PSD3: variants seen among roughly 807,000 people sequenced by gnomAD.
The protein encoded by PSD3 is pleckstrin and Sec7 domain containing 3, also known as PH and SEC7 domain-containing protein 3.
In PSD3, 49 loss-of-function variants were observed where a neutral mutation model predicts 105.5. The ratio of observed to expected loss-of-function variants is 0.46; its 90% CI spans 0.37 to 0.59. The LOEUF (loss-of-function observed/expected upper bound fraction) is 0.59, where lower values mean the gene tolerates loss of function less well. Among genes scored for constraint, PSD3 ranks in the 20% least tolerant of loss-of-function variants. The pLI is 0.00. For synonymous variants in PSD3, 557 were observed against 457.8 expected (o/e 1.22, Z -2.77); for missense variants, 1,561 against 1,263.8 (o/e 1.24, Z -3.57).
intron 9 of PSD3, chr8:18,763,074 G>C (rs776388380): frequency 1.0e-5 from 5 of 482,376 alleles, no homozygotes; most frequent in South Asian, 7.7e-5. Flanking sequence ...GCTACAAAAT[G>C]ACATGGAACA....
chr8:18,937,866 G>A lies in PSD3; in HGVS notation c.22-1724C>T, dbSNP rs572063443. 1.9e-3 allele frequency among the ~76,000 whole-genome samples: 295 copies of A among 152,312 alleles called. 2 individuals carry two copies. In the South Asian group the frequency reaches 0.023, roughly 12 times the overall value. On this transcript the variant is annotated intron_variant, in intron 1 of 15. Transcript: ENST00000327040. ...CTGAGAAACTAACGCCTGCAGAGAT[G>A]AGAAATATGACAGGCTGGGGAAGGT...
chr8:18,701,452 C>A (rs936835930), intron 9 of PSD3, among the ~76,000 whole-genome samples: 1 of 152,120 alleles, frequency 6.6e-6, no homozygotes, highest in Non-Finnish European at 1.5e-5. Context: ...GAAGCTTACA[C>A]AATTGAAAAC....
At chr8:18,748,208 G>T (rs1052774950) in intron 9 of PSD3, among the ~76,000 whole-genome samples, 2 of 152,140 alleles carry the variant, frequency 1.3e-5, no homozygotes, top group Non-Finnish European at 2.9e-5. Context: ...ACTGTGGGCA[G>T]TTACATCCTT....
chr8:18,890,293 GA>G (rs968272696), intron 2 of PSD3, among the ~76,000 whole-genome samples: 5 of 151,034 alleles, frequency 3.3e-5, no homozygotes, highest in East Asian at 3.9e-4. Flanking sequence ...CTTAGATCTT[GA>G]AAAAAAAATT....
At chr8:19,039,981 G>A (rs2129476672) in intron 1 of PSD3, among the ~76,000 whole-genome samples, 1 of 152,244 alleles carries the variant, frequency 6.6e-6, no homozygotes, top group East Asian at 1.9e-4. Flanking sequence ...CTTAAGGGTT[G>A]GGGGGTATTT....
chr8:18,775,349 C>G (rs138279651), intron 8 of PSD3, among the ~76,000 whole-genome samples: 87 of 152,274 alleles, frequency 5.7e-4, no homozygotes, highest in African/African-American at 1.9e-3. Flanking sequence ...CTTGAATATA[C>G]TGACTTCGTT....
intron 1 of PSD3, among the ~76,000 whole-genome samples, chr8:18,985,959 G>A (rs774429853): frequency 6.6e-6 from 1 of 151,630 alleles, no homozygotes; most frequent in African/African-American, 2.4e-5. Flanking sequence ...ACCTCACTTT[G>A]TTACTCAAAG....
At chr8:18,861,815 A>G (rs1387810719) in intron 4 of PSD3, among the ~76,000 whole-genome samples, 2 of 152,192 alleles carry the variant, frequency 1.3e-5, no homozygotes, top group Non-Finnish European at 2.9e-5. Flanking sequence ...AAAACTGCAC[A>G]TTGGTTGATA....
At chr8:18,727,160 G>A (rs6651476) in intron 9 of PSD3, among the ~76,000 whole-genome samples, 141,447 of 151,964 alleles carry the variant, frequency 0.93, 65,914 homozygotes, top group African/African-American at 0.95. Flanking sequence ...ACATGGTGAA[G>A]CCCCATCTCT....
intron 11 of PSD3, among the ~76,000 whole-genome samples, chr8:18,616,684 C>T (rs1205558809): frequency 7.5e-6 from 1 of 133,724 alleles, no homozygotes; most frequent in Non-Finnish European, 1.6e-5. Flanking sequence ...AGTGCAGTGG[C>T]GGGATCTCGG....
At chr8:18,949,279 T>TATATATATATATATA (rs1563453978) in intron 1 of PSD3, among the ~76,000 whole-genome samples, 7 of 78,296 alleles carry the variant, frequency 8.9e-5, no homozygotes, top group Admixed American at 4.0e-4. Context: ...ATATATATAT[T>TATATATATATATATA]TATAGTTTTC....
At chr8:18,692,511 G>A (rs1326897495) in intron 9 of PSD3, among the ~76,000 whole-genome samples, 2 of 152,082 alleles carry the variant, frequency 1.3e-5, no homozygotes, top group Non-Finnish European at 1.5e-5. Context: ...TCTGACGGAG[G>A]GGTAAAAGGT....
At chr8:19,032,901 C>T (rs1045771966) in intron 1 of PSD3, among the ~76,000 whole-genome samples, 1 of 151,904 alleles carries the variant, frequency 6.6e-6, no homozygotes, top group African/African-American at 2.4e-5. Context: ...GTTTAATGGT[C>T]AAAAAAGTTT....
In PSD3 at chr8:18,949,244, A is replaced by AAAATATAT. The variant is rs1345423514; in HGVS notation, c.22-13103_22-13102insATATATTT. Among the ~76,000 whole-genome samples, 3 of 14,410 alleles carry AAAATATAT rather than the reference A, an allele frequency of 2.1e-4. 1 individual carries two copies. The highest frequency in any genetic ancestry group is 3.6e-4 in the Non-Finnish European group (2 of 5,542). 9.5% of individuals were successfully genotyped at this position (14,410 alleles called of 152,430 possible). The stretch of plus-strand genomic sequence containing the variant: ...CTCAAAAAAAAAAAAAAAAAAAAAA[A>AAAATATAT]ATATATATATATATATATATATATA... On this transcript the variant is annotated intron_variant, in intron 1 of 15. Transcript: ENST00000327040.
intron 1 of PSD3, among the ~76,000 whole-genome samples, chr8:18,992,297 G>A (rs1295517913): frequency 8.2e-6 from 1 of 121,732 alleles, no homozygotes; most frequent in East Asian, 2.3e-4. Context: ...CTTTTAATTT[G>A]TTAGTGATAC....
intron 13 of PSD3, among the ~76,000 whole-genome samples, chr8:18,573,647 A>G (rs963221427): frequency 1.4e-4 from 21 of 152,222 alleles, no homozygotes; most frequent in Non-Finnish European, 1.0e-4. Flanking sequence ...TACAATACAG[A>G]TAAACTTCCA....
chr8:18,626,605 A>G (rs1005333571), intron 11 of PSD3, among the ~76,000 whole-genome samples: 1 of 152,122 alleles, frequency 6.6e-6, no homozygotes, highest in East Asian at 1.9e-4. Flanking sequence ...ATAAAAAGTG[A>G]TGTGTTTTAT....
At chr8:18,734,121 A>G (rs1803976356) in intron 9 of PSD3, 1 of 152,242 alleles carries the variant, frequency 6.6e-6, no homozygotes, top group Non-Finnish European at 1.5e-5. Context: ...AATATTGACA[A>G]ACATTGGTAT....
chr8:18,574,167 A>AG (rs891957589), intron 13 of PSD3, among the ~76,000 whole-genome samples: 4 of 152,292 alleles, frequency 2.6e-5, no homozygotes, highest in African/African-American at 9.6e-5. Context: ...GTAAAAAAAA[A>AG]GTCAGCCAAA....
Sources: allele counts gnomAD v4.1 joint callset (sites outside exome capture counted in the v4.1 genomes callset), GRCh38; gene constraint gnomAD v4.1.1; transcripts MANE v1.5; gene names NCBI Gene and HGNC (gene_info 2026-07-23, HGNC 2026-07-21).